The following NELFA variants were observed in gnomAD, a reference collection of about 807,000 sequenced individuals.
The protein encoded by NELFA is negative elongation factor A.
In NELFA, 35 loss-of-function variants were observed where a neutral mutation model predicts 51.8. The ratio of observed to expected loss-of-function variants is 0.68; its 90% CI spans 0.52 to 0.90. The LOEUF (loss-of-function observed/expected upper bound fraction) is 0.90, where lower values mean the gene tolerates loss of function less well. NELFA is among the 40% of genes least tolerant of loss of function. NELFA has a pLI of 0.00. For missense variants in NELFA, 658 were observed against 746.4 expected (o/e 0.88, Z 1.38); for synonymous variants, 417 against 338.4 (o/e 1.23, Z -2.55).
chr4:1,995,382 A>G (rs1728394541), intron 1 of NELFA, among the ~76,000 whole-genome samples: 2 of 152,240 alleles, frequency 1.3e-5, no homozygotes, highest in African/African-American at 2.4e-5. Context: ...CCCTGTATCT[A>G]TGGTCCTATG....
At chr4:1,984,605 G>C (rs540191687) in intron 8 of NELFA, among the ~76,000 whole-genome samples, 56 of 152,370 alleles carry the variant, frequency 3.7e-4, no homozygotes, top group African/African-American at 1.3e-3. Flanking sequence ...GCCCAGGACG[G>C]GCAGGGTGGG....
At chr4:1,991,332 G>C (rs1371949602) in intron 2 of NELFA, among the ~76,000 whole-genome samples, 1 of 152,132 alleles carries the variant, frequency 6.6e-6, no homozygotes, top group East Asian at 1.9e-4. Flanking sequence ...AGTGAGGATG[G>C]GGCCTGTGGG....
At chr4:2,008,382 T>C (rs867874189) in intron 1 of NELFA, among the ~76,000 whole-genome samples, 4 of 147,272 alleles carry the variant, frequency 2.7e-5, no homozygotes, top group Admixed American at 6.7e-5. Flanking sequence ...GGGGAGGAGA[T>C]TGAGGATCCC....
At chr4:1,986,993 G>T (rs370632670) in intron 4 of NELFA, among the ~76,000 whole-genome samples, 6 of 152,146 alleles carry the variant, frequency 3.9e-5, no homozygotes, top group South Asian at 2.1e-4. Context: ...GATGCCTGGT[G>T]GGGGTGGAAA....
intron 1 of NELFA, among the ~76,000 whole-genome samples, chr4:2,002,281 A>G (rs1728603234): frequency 6.6e-6 from 1 of 152,238 alleles, no homozygotes; most frequent in Non-Finnish European, 1.5e-5. Context: ...AGGAAGAATC[A>G]GTATCATGAA....
At position 2,008,634 on chromosome 4, in the gene NELFA, C is replaced by T. The variant is rs1260013641; in HGVS notation, c.210+116G>A. On this transcript the variant is annotated intron_variant, in intron 1 of 10. Coordinates refer to ENST00000382882, the MANE Select transcript of NELFA (RefSeq NM_005663.5). ...AGGGCGGGCCGGGGGGGTTAACAGT[C>T]TGAAGGGGGATGGGAAGGTTGGGGG... The T allele has an allele frequency of 5.1e-6, 6 of 1,174,946 alleles. No individual in the cohort carries two copies. The East Asian group carries it at 8.3e-5, about 16-fold the overall frequency. The allele number at this position is 1,174,946 out of a possible 1,614,324, so 72.8% of individuals were successfully genotyped here. A position where few individuals can be genotyped will look rare whatever the true frequency, so the allele number is the denominator to read the frequency against.
intron 4 of NELFA, chr4:1,987,494 C>T (rs773710533): frequency 1.1e-4 from 18 of 168,194 alleles, no homozygotes; most frequent in Non-Finnish European, 1.5e-4. Context: ...GTCCTCCCCG[C>T]GGAGCCGCCC....
At chr4:2,008,025 G>C (rs752046431) in intron 1 of NELFA, 4 of 456,856 alleles carry the variant, frequency 8.8e-6, no homozygotes, top group Non-Finnish European at 1.8e-5. Context: ...AACGGACACA[G>C]AGCGCTCCGG....
intron 7 of NELFA, 37 bp from the exon 8 acceptor site, chr4:1,984,956 C>T (rs1477174078): frequency 6.8e-7 from 1 of 1,463,184 alleles, no homozygotes; most frequent in Non-Finnish European, 9.3e-7. Flanking sequence ...CCAGAAGAGG[C>T]CATGCTTCCG....
At chr4:1,991,822 G>C in intron 1 of NELFA, 107 bp from the exon 2 acceptor site, 1 of 1,215,744 alleles carries the variant, frequency 8.2e-7, no homozygotes, top group Non-Finnish European at 1.1e-6. Context: ...CTCTCTGGCA[G>C]TTGCCCCCAA....
intron 1 of NELFA, among the ~76,000 whole-genome samples, chr4:1,995,112 C>T (rs926233373): frequency 6.6e-6 from 1 of 152,206 alleles, no homozygotes; most frequent in African/African-American, 2.4e-5. Context: ...TGGGTCTCAT[C>T]CAATCAACTG....
chr4:1,990,488 G>A (rs1255167952), intron 2 of NELFA: 4 of 456,640 alleles, frequency 8.8e-6, no homozygotes, highest in Non-Finnish European at 1.8e-5. Context: ...GGACACTCCT[G>A]AGACACGAAC....
intron 1 of NELFA, among the ~76,000 whole-genome samples, chr4:1,997,864 C>A (rs1416960400): frequency 6.6e-6 from 1 of 152,156 alleles, no homozygotes; most frequent in Admixed American, 6.6e-5. Context: ...ACACCCTATA[C>A]AGCAGTGACC....
chr4:2,008,819 G>T lies in NELFA; in HGVS notation c.141C>A (p.Gly47=), dbSNP rs776313048. ...ACTTGAGCTTCACTGCCGACGAGAG[G>T]CCATGGAAGCAGAGACGGATGTTGT... ...VIDNIRLCFH[G]LSSAVKLKLL... is the part of the protein sequence containing the mutation. The change falls in exon 1 of 11, where the codon GGC becomes GGA. Residue 47 remains glycine (G), a synonymous_variant. Coordinates refer to ENST00000382882, the MANE Select transcript of NELFA (RefSeq NM_005663.5). 4 of 1,611,722 alleles carry T rather than the reference G, an allele frequency of 2.5e-6. No homozygotes were observed. Among genetic ancestry groups the T allele is most frequent in the East Asian group, 2.2e-5 (1 of 44,748 alleles).
chr4:1,990,295 T>G (rs1728233861), intron 2 of NELFA: 2 of 422,088 alleles, frequency 4.7e-6, no homozygotes, highest in Admixed American at 4.9e-5. Flanking sequence ...CCTGGAACCC[T>G]GGCCCTCATC....
chr4:1,991,019 G>A (rs1296983296), intron 2 of NELFA, among the ~76,000 whole-genome samples: 4 of 152,234 alleles, frequency 2.6e-5, no homozygotes, highest in Middle Eastern at 3.4e-3. Flanking sequence ...GGCTGGTCTC[G>A]AACTCCTGGG....
chr4:2,006,768 CAA>C (rs57055347), intron 1 of NELFA, among the ~76,000 whole-genome samples: 1 of 79,754 alleles, frequency 1.3e-5, no homozygotes, highest in East Asian at 3.1e-4. Flanking sequence ...GACGCTGTCT[CAA>C]AAAAAAAAAA....
chr4:1,994,771 C>T (rs909770842), intron 1 of NELFA, among the ~76,000 whole-genome samples: 13 of 150,494 alleles, frequency 8.6e-5, no homozygotes, highest in Non-Finnish European at 1.6e-4. Flanking sequence ...AGGAGAATGG[C>T]GTGAACCCGG....
At chr4:1,992,382 C>A in intron 1 of NELFA, 1 of 316,218 alleles carries the variant, frequency 3.2e-6, no homozygotes, top group East Asian at 1.4e-4. Context: ...GAAGCAGGCG[C>A]ACCCCGTGCT....
Sources: allele counts gnomAD v4.1 joint callset (sites outside exome capture counted in the v4.1 genomes callset), GRCh38; gene constraint gnomAD v4.1.1; transcripts MANE v1.5; gene names NCBI Gene and HGNC (gene_info 2026-07-23, HGNC 2026-07-21).